The following ADCK1 variants were observed in gnomAD, a reference collection of about 807,000 sequenced individuals.
The protein encoded by ADCK1 is aarF domain containing kinase 1.
Under a neutral mutation model 52.3 loss-of-function variants are expected in ADCK1, and 41 were observed. The observed-to-expected ratio is 0.78, with a 90% CI of 0.61 to 1.02. ADCK1 has a LOEUF of 1.02. Ranked by LOEUF, ADCK1 falls within the 50% of genes least tolerant of loss-of-function variation. ADCK1 has a pLI of 0.00. For synonymous variants in ADCK1, 250 were observed against 274.6 expected (o/e 0.91, Z 0.89); for missense variants, 658 against 679.5 (o/e 0.97, Z 0.35).
chr14:77,855,237 C>T (rs1344330263), intron 3 of ADCK1, among the ~76,000 whole-genome samples: 5 of 152,222 alleles, frequency 3.3e-5, no homozygotes, highest in East Asian at 3.9e-4. Flanking sequence ...TCTTACCATG[C>T]GTGATTGAAA....
chr14:77,845,818 C>G (rs2082163076), intron 3 of ADCK1, among the ~76,000 whole-genome samples: 1 of 152,176 alleles, frequency 6.6e-6, no homozygotes, highest in African/African-American at 2.4e-5. Context: ...CAGTATCCCT[C>G]AGAGTTGCCT....
chr14:77,849,826 G>A (rs2082246791), intron 3 of ADCK1, among the ~76,000 whole-genome samples: 1 of 152,174 alleles, frequency 6.6e-6, no homozygotes, highest in South Asian at 2.1e-4. Flanking sequence ...ATTGTGGTCA[G>A]AGAAAATATT....
intron 1 of ADCK1, among the ~76,000 whole-genome samples, chr14:77,808,030 A>G (rs1324907021): frequency 6.6e-6 from 1 of 152,208 alleles, no homozygotes; most frequent in East Asian, 1.9e-4. Flanking sequence ...CAGGCAGCAC[A>G]ACAAAACATA....
At chr14:77,807,392 C>T (rs2081251961) in intron 1 of ADCK1, among the ~76,000 whole-genome samples, 1 of 150,410 alleles carries the variant, frequency 6.6e-6, no homozygotes, top group Non-Finnish European at 1.5e-5. Flanking sequence ...TACTCTGTTG[C>T]CCAGGTTGGT....
chr14:77,909,907 CAGAG>C (rs1309743611), intron 7 of ADCK1, among the ~76,000 whole-genome samples: 1 of 152,138 alleles, frequency 6.6e-6, no homozygotes, highest in Admixed American at 6.5e-5. Flanking sequence ...ATCAGAGTCT[CAGAG>C]AGAGAAGGTC....
intron 3 of ADCK1, among the ~76,000 whole-genome samples, chr14:77,846,404 C>A (rs1247947963): frequency 6.6e-6 from 1 of 152,126 alleles, no homozygotes; most frequent in Non-Finnish European, 1.5e-5. Context: ...TGAGGGGGAC[C>A]CAGGGAAGCC....
chr14:77,852,784 A>G (rs1015288698), intron 3 of ADCK1, among the ~76,000 whole-genome samples: 2 of 132,690 alleles, frequency 1.5e-5, no homozygotes, highest in African/African-American at 2.9e-5. Context: ...CAGTTCACTG[A>G]TGTTCTTTTC....
intron 4 of ADCK1, among the ~76,000 whole-genome samples, chr14:77,869,203 A>C (rs894007084): frequency 1.1e-4 from 17 of 152,278 alleles, no homozygotes; most frequent in Non-Finnish European, 1.9e-4. Flanking sequence ...TGGCTTAAAC[A>C]ACAAATGTAT....
chr14:77,821,349 T>A (rs1258470470), intron 2 of ADCK1, among the ~76,000 whole-genome samples: 1 of 152,204 alleles, frequency 6.6e-6, no homozygotes, highest in Non-Finnish European at 1.5e-5. Context: ...GACCAAGTCT[T>A]GCTTGTGGTT....
At position 77,934,286 on chromosome 14, in the gene ADCK1, C is replaced by T. The variant is rs1327207000; in HGVS notation, c.*895C>T. 2.0e-5 allele frequency: 3 copies of T among 152,094 alleles called. No individual in the cohort carries two copies. Among genetic ancestry groups the T allele is most frequent in the Non-Finnish European group, 2.9e-5 (2 of 68,068 alleles). The allele number at this position is 152,094 out of a possible 1,614,324, so 9.4% of individuals were successfully genotyped here. A position where few individuals can be genotyped will look rare whatever the true frequency, so the allele number is the denominator to read the frequency against. On this transcript the variant is annotated 3_prime_UTR_variant, in exon 11 of 11. Coordinates refer to ENST00000238561, the MANE Select transcript of ADCK1 (RefSeq NM_020421.4). The stretch of plus-strand genomic sequence containing the variant: ...CACTTCCTGCTTCTTGGGGGTTTCT[C>T]TTACCTTCCAAGACTCAGACTCTGG...
intron 3 of ADCK1, among the ~76,000 whole-genome samples, chr14:77,829,046 T>C (rs918617157): frequency 4.0e-5 from 6 of 151,342 alleles, no homozygotes; most frequent in South Asian, 2.1e-4. Context: ...CCTTACATTC[T>C]TGTACTGAAA....
intron 4 of ADCK1, among the ~76,000 whole-genome samples, chr14:77,869,521 T>C (rs2082731203): frequency 6.6e-6 from 1 of 152,220 alleles, no homozygotes. Flanking sequence ...TATTAATATA[T>C]CTGCAATGAC....
At chr14:77,864,681 G>A (rs2082626028) in intron 4 of ADCK1, among the ~76,000 whole-genome samples, 1 of 151,844 alleles carries the variant, frequency 6.6e-6, no homozygotes, top group African/African-American at 2.4e-5. Context: ...GTGCATGCAT[G>A]TTTGCTTGTG....
chr14:77,871,114 AAAAC>A (rs2082766948), intron 4 of ADCK1, among the ~76,000 whole-genome samples: 2 of 152,216 alleles, frequency 1.3e-5, no homozygotes, highest in Non-Finnish European at 2.9e-5. Context: ...GGCTTTCCTA[AAAAC>A]AAACAATAAT....
chr14:77,872,856 A>G (rs2082814974), intron 4 of ADCK1, among the ~76,000 whole-genome samples: 1 of 151,998 alleles, frequency 6.6e-6, no homozygotes, highest in Non-Finnish European at 1.5e-5. Flanking sequence ...TTGTATTTTT[A>G]GTAGAGACGG....
chr14:77,891,415 C>T (rs2140219190), intron 5 of ADCK1, among the ~76,000 whole-genome samples: 1 of 152,382 alleles, frequency 6.6e-6, no homozygotes, highest in Admixed American at 6.5e-5. Flanking sequence ...CAGGAAGCTG[C>T]CTCTGCGTAG....
chr14:77,863,530 A>G (rs1292015221), intron 4 of ADCK1, among the ~76,000 whole-genome samples: 1 of 152,120 alleles, frequency 6.6e-6, no homozygotes, highest in Non-Finnish European at 1.5e-5. Flanking sequence ...AGATCTTGTT[A>G]CAGCCTATTT....
At chr14:77,827,733 G>A in intron 3 of ADCK1, 1 of 357,452 alleles carries the variant, frequency 2.8e-6, no homozygotes, top group South Asian at 2.1e-5. Flanking sequence ...ATGGTGCTGG[G>A]TAGAATTGGA....
intron 7 of ADCK1, among the ~76,000 whole-genome samples, chr14:77,915,635 A>G (rs1187146339): frequency 1.3e-5 from 2 of 152,318 alleles, no homozygotes; most frequent in African/African-American, 2.4e-5. Context: ...CTGGAAACCA[A>G]CATTCTCAGC....
Sources: gnomAD v4.1 joint callset for allele counts (sites outside exome capture counted in the v4.1 genomes callset) on GRCh38, gnomAD v4.1.1 for gene constraint, MANE v1.5 for transcripts, NCBI Gene and HGNC (gene_info 2026-07-23, HGNC 2026-07-21) for gene names.